TUBB8B: variants seen among roughly 807,000 people sequenced by gnomAD.
TUBB8B encodes HSA18p11 beta-tubulin 4Q pseudogene.
In TUBB8B, 26 loss-of-function variants were observed where a neutral mutation model predicts 31.9. The ratio of observed to expected loss-of-function variants is 0.81; its 90% confidence interval spans 0.60 to 1.13. The LOEUF (loss-of-function observed/expected upper bound fraction) is 1.13, where lower values mean the gene tolerates loss of function less well. Ranked by LOEUF, TUBB8B falls within the 50% of genes most tolerant of loss-of-function variation. The pLI, the probability that TUBB8B is intolerant of heterozygous loss-of-function variation, is 0.00. For missense variants in TUBB8B, 467 were observed against 586.7 expected (o/e 0.80, Z 2.11); for synonymous variants, 173 against 231.0 (o/e 0.75, Z 2.28).
the TUBB8B span, among the ~76,000 whole-genome samples, chr18:58,761 T>C: frequency 2.4e-3 from 364 of 151,944 alleles, 7 homozygotes; most frequent in Middle Eastern, 0.017. Flanking sequence ...TGTGCCAATT[T>C]TCTGTATTAA....
At chr18:61,120 A>T in the TUBB8B span, among the ~76,000 whole-genome samples, 1 of 151,510 alleles carries the variant, frequency 6.6e-6, no homozygotes, top group East Asian at 1.9e-4. Flanking sequence ...TGCTTCATTT[A>T]TCTAGGTGCT....
the TUBB8B span, among the ~76,000 whole-genome samples, chr18:72,897 G>A: frequency 1.3e-5 from 2 of 152,096 alleles, no homozygotes; most frequent in African/African-American, 2.4e-5. Flanking sequence ...AACCCAGGAG[G>A]CGGAGGTTGC....
chr18:59,414 T>C, the TUBB8B span, among the ~76,000 whole-genome samples: 8 of 151,820 alleles, frequency 5.3e-5, no homozygotes, highest in East Asian at 1.4e-3. Flanking sequence ...GTCTGTCATA[T>C]ATGACTTTTA....
the TUBB8B span, among the ~76,000 whole-genome samples, chr18:56,284 T>C: frequency 1.3e-5 from 2 of 151,892 alleles, no homozygotes; most frequent in Non-Finnish European, 2.9e-5. Flanking sequence ...TTGGTTTATA[T>C]ACTCAGAATA....
chr18:67,887 G>A, the TUBB8B span, among the ~76,000 whole-genome samples: 3 of 151,806 alleles, frequency 2.0e-5, no homozygotes, highest in Non-Finnish European at 2.9e-5. Flanking sequence ...TATGACACTC[G>A]TAAGACTGAT....
chr18:47,242 A>G lies in TUBB8B; in HGVS notation c.*148T>C, dbSNP rs893233952. ...AAACCAGATGCTGTGAGAATACTTT[A>G]TTAGTCAAAACCGCATACTATAAAA... On this transcript the variant is annotated 3_prime_UTR_variant, in exon 4 of 4. Coordinates refer to ENST00000308911, the MANE Select transcript of TUBB8B (RefSeq NM_001358689.2). 8.9e-5 allele frequency: 49 copies of G among 549,988 alleles called. No individual in the cohort carries two copies. In the African/African-American group the frequency reaches 1.2e-3, roughly 13 times the overall value. 34.1% of individuals were successfully genotyped at this position (549,988 alleles called of 1,614,324 possible). A position where few individuals can be genotyped will look rare whatever the true frequency, so the allele number is the denominator to read the frequency against.
chr18:67,070 A>G, the TUBB8B span, among the ~76,000 whole-genome samples: 1 of 146,542 alleles, frequency 6.8e-6, no homozygotes, highest in Non-Finnish European at 1.5e-5. Flanking sequence ...ATCTCGGCTC[A>G]CTGCAACCTC....
chr18:72,567 C>T, the TUBB8B span, among the ~76,000 whole-genome samples: 2 of 152,102 alleles, frequency 1.3e-5, no homozygotes, highest in East Asian at 1.9e-4. Flanking sequence ...GACAAGGTCT[C>T]GCTCTGTTGC....
intron 3 of TUBB8B, 183 bp from the exon 4 acceptor site, chr18:48,630 G>A (rs56260713): frequency 2.9e-6 from 2 of 681,048 alleles, no homozygotes; most frequent in Non-Finnish European, 5.3e-6. Flanking sequence ...TAGAAATTAA[G>A]ACAGGAGTCA....
Position 47,554 on chromosome 18 carries a change from G to A in TUBB8B, c.1171C>T (p.Arg391Cys), listed in dbSNP as rs58330678. 10,185 of 1,589,328 alleles carry A rather than the reference G, an allele frequency of 6.4e-3. 216 individuals carry two copies. In the African/African-American group the frequency reaches 0.12, roughly 18 times the overall value. The change falls in exon 4 of 4, where the codon CGC becomes TGC. Residue 391 changes from arginine (R) to cysteine (C), a missense_variant. Transcript: ENST00000308911. ...GTGTACCAGTGGAGGAAGGCCTTGC[G>A]CCTGAACATTGCTGTAAACTGCTCT... ...VSEQFTAMFR[R>C]KAFLHWYTGE... is the part of the protein sequence containing the mutation.
At chr18:57,230 A>G in the TUBB8B span, among the ~76,000 whole-genome samples, 1 of 151,820 alleles carries the variant, frequency 6.6e-6, no homozygotes, top group Admixed American at 6.6e-5. Flanking sequence ...GCCTTAACTC[A>G]AAAGTCAAAA....
At chr18:68,363 T>C in the TUBB8B span, among the ~76,000 whole-genome samples, 3 of 152,220 alleles carry the variant, frequency 2.0e-5, no homozygotes, top group Admixed American at 6.5e-5. Flanking sequence ...GCAAGGTCTC[T>C]ACCTGACAAT....
the TUBB8B span, among the ~76,000 whole-genome samples, chr18:63,305 T>G: frequency 6.6e-6 from 1 of 151,824 alleles, no homozygotes; most frequent in Non-Finnish European, 1.5e-5. Context: ...CAAAGAGACT[T>G]AGGTCCCAAG....
At position 47,723 on chromosome 18, in the gene TUBB8B, T is replaced by C; in HGVS notation, c.1002A>G (p.Gln334=). The C allele has an allele frequency of 6.2e-7, 1 of 1,611,306 alleles. No homozygotes were observed. The highest frequency in any genetic ancestry group is 8.5e-7 in the Non-Finnish European group (1 of 1,178,886). The part of the protein sequence containing the change: ...REVDEQMFNI[Q]DKNSSYFADW... ...CAGCAAAGTAGCTGCTGTTCTTATCTTGAATGTTGAACATTTGTTCATCCA... is the reference window on the plus strand; with the variant it reads ...CAGCAAAGTAGCTGCTGTTCTTATCCTGAATGTTGAACATTTGTTCATCCA... The change falls in exon 4 of 4, where the codon CAA becomes CAG. Residue 334 remains glutamine, a synonymous_variant. Coordinates refer to ENST00000308911, the MANE Select transcript of TUBB8B (RefSeq NM_001358689.2).
At chr18:50,087 T>C (rs532261111), upstream of TUBB8B, 25 of 357,308 alleles carry the variant, frequency 7.0e-5, no homozygotes, top group Non-Finnish European at 1.1e-4. Flanking sequence ...GTGTTGGAGA[T>C]AGTCAGGCGT....
chr18:47,593 A>C lies in TUBB8B; in HGVS notation c.1132T>G (p.Phe378Val). Reference sequence around the variant, plus strand: ...GTAAACTGCTCTGAGACACATGTGAAGAGTTCCTGGATGGCCGCATTATTC... The same window carrying C: ...GTAAACTGCTCTGAGACACATGTGACGAGTTCCTGGATGGCCGCATTATTC... ...IGNNAAIQEL[F>V]TCVSEQFTAM... Residue 378 changes from phenylalanine (F) to valine (V), a missense_variant, in exon 4 of 4, where the codon TTC (phenylalanine) becomes GTC (valine). This residue lies in a region of TUBB8B where 208 missense variants were observed against 206.7 expected (regional missense o/e 1.01). Transcript: ENST00000308911. The C allele has an allele frequency of 6.2e-7, 1 of 1,612,538 alleles. No individual in the cohort carries two copies. The highest frequency in any genetic ancestry group is 8.5e-7 in the Non-Finnish European group (1 of 1,179,194).
chr18:60,553 A>C, the TUBB8B span, among the ~76,000 whole-genome samples: 2 of 151,408 alleles, frequency 1.3e-5, no homozygotes, highest in Admixed American at 1.3e-4. Context: ...TTGTTAGGTT[A>C]TTTATTTGCA....
upstream of TUBB8B, among the ~76,000 whole-genome samples, chr18:50,817 T>C (rs1459643628): frequency 7.8e-4 from 118 of 152,202 alleles, no homozygotes; most frequent in Non-Finnish European, 1.5e-3. Flanking sequence ...CTGTGGCATC[T>C]ACAAGGGCAT....
In TUBB8B at chr18:47,615, A is replaced by G. The variant is rs562298975; in HGVS notation, c.1110T>C (p.Asn370=). The part of the protein sequence containing the change: ...GLKMSATFIG[N]NAAIQELFTC... The stretch of plus-strand genomic sequence containing the variant: ...TGAAGAGTTCCTGGATGGCCGCATT[A>G]TTCCCAATGAAGGTGGCTGACATTT... Residue 370 remains asparagine, a synonymous_variant, in exon 4 of 4, where the codon AAT becomes AAC. Transcript: ENST00000308911. 5.2e-4 allele frequency: 832 copies of G among 1,612,598 alleles called. 12 individuals carry two copies. The highest frequency in any genetic ancestry group is 4.7e-3 in the South Asian group (424 of 91,006).
Sources: gnomAD v4.1 joint callset for allele counts (sites outside exome capture counted in the v4.1 genomes callset) on GRCh38, gnomAD v4.1.1 for gene constraint, gnomAD v4.1.1 regional missense constraint, MANE v1.5 for transcripts, NCBI Gene and HGNC (gene_info 2026-07-23, HGNC 2026-07-21) for gene names.